BAIAP2: variants seen among roughly 807,000 people sequenced by gnomAD.
The protein encoded by BAIAP2 is BAR/IMD domain-containing adapter protein 2.
Under a neutral mutation model 63.0 loss-of-function variants are expected in BAIAP2, and 18 were observed. The ratio of observed to expected loss-of-function variants is 0.29; its 90% CI spans 0.20 to 0.42. BAIAP2 has a LOEUF of 0.42. BAIAP2 is among the 10% of genes least tolerant of loss of function. The pLI is 1.00. For missense variants in BAIAP2, 610 were observed against 734.3 expected (o/e 0.83, Z 1.96); for synonymous variants, 386 against 307.6 (o/e 1.25, Z -2.67).
chr17:81,057,570 TC>T, intron 2 of BAIAP2: 14 of 994,150 alleles, frequency 1.4e-5, no homozygotes, highest in East Asian at 6.1e-5. Flanking sequence ...CAACACTCCC[TC>T]CCCCCGGCCC....
intron 1 of BAIAP2, among the ~76,000 whole-genome samples, chr17:81,047,552 C>T (rs2048000266): frequency 1.3e-5 from 2 of 152,088 alleles, no homozygotes; most frequent in Admixed American, 1.3e-4. Context: ...ACGTTCATGC[C>T]CACAGCACAC....
At chr17:81,096,460 G>A (rs540517433) in intron 6 of BAIAP2, among the ~76,000 whole-genome samples, 2 of 152,388 alleles carry the variant, frequency 1.3e-5, no homozygotes, top group Admixed American at 1.3e-4. Flanking sequence ...GAGCCTGGAG[G>A]CGCACCCCAG....
intron 13 of BAIAP2, chr17:81,109,384 A>G (rs1175889134): frequency 4.9e-6 from 5 of 1,013,218 alleles, no homozygotes; most frequent in South Asian, 4.8e-5. Flanking sequence ...AAAAAAAAAA[A>G]AAAAAAAAAA....
At position 81,038,898 on chromosome 17, in the gene BAIAP2, G is replaced by C. The variant is rs1305508195; in HGVS notation, c.54+3590G>C. Among the ~76,000 whole-genome samples the C allele has an allele frequency of 9.6e-5, 14 of 145,638 alleles. No homozygotes were observed. In the East Asian group the frequency reaches 1.3e-3, roughly 14 times the overall value. On this transcript the variant is annotated intron_variant, in intron 1 of 13. Coordinates refer to ENST00000428708, the MANE Select transcript of BAIAP2 (RefSeq NM_001144888.2). ...TCCTGGCATTGGAGTCGCCTTCCTGGGTGGGGGGGGCAGCAGACCCGGCAC... is the reference window on the plus strand; with the variant it reads ...TCCTGGCATTGGAGTCGCCTTCCTGCGTGGGGGGGGCAGCAGACCCGGCAC...
intron 3 of BAIAP2, among the ~76,000 whole-genome samples, chr17:81,066,804 G>A (rs990505766): frequency 4.6e-5 from 7 of 152,172 alleles, no homozygotes; most frequent in Non-Finnish European, 1.0e-4. Context: ...GCGGCTCCAT[G>A]CACAGTGCAC....
At chr17:81,057,245 C>G (rs1478265004) in intron 2 of BAIAP2, 3 of 152,332 alleles carry the variant, frequency 2.0e-5, no homozygotes, top group Non-Finnish European at 4.4e-5. Context: ...CAGGCTCTTC[C>G]AGGAGCCTGC....
At chr17:81,103,746 G>A (rs781502660) in intron 8 of BAIAP2, 23 bp downstream of exon 8, 1 of 1,575,378 alleles carries the variant, frequency 6.3e-7, no homozygotes, top group Non-Finnish European at 8.6e-7. Flanking sequence ...CCTCTGGAAA[G>A]CTTCACGGGT....
At chr17:81,086,391 G>GC in intron 5 of BAIAP2, 52 bp from the exon 6 acceptor site, 1 of 1,600,942 alleles carries the variant, frequency 6.2e-7, no homozygotes, top group East Asian at 2.2e-5. Flanking sequence ...AGTGGTCCGC[G>GC]CTGCGTTGGG....
rs759347952 is a variant in BAIAP2 at position 81,103,712 on chromosome 17, C to T, written c.853C>T (p.Pro285Ser). The T allele has an allele frequency of 6.3e-7, 1 of 1,593,896 alleles. No homozygotes were observed. Among genetic ancestry groups the T allele is most frequent in the South Asian group, 1.1e-5 (1 of 90,442 alleles). Residue 285 changes from proline (P) to serine (S), a missense_variant, in exon 8 of 14, where the codon CCG (proline) becomes TCG (serine). Coordinates refer to ENST00000428708, the MANE Select transcript of BAIAP2 (RefSeq NM_001144888.2). Reference protein sequence around the residue: ...KPLPVPPELAPFVGRMSAQES... With the variant: ...KPLPVPPELASFVGRMSAQES... ...CCTGCCGGTGCCCCCCGAGCTGGCA[C>T]CGTTCGTGGGGGTGAGTCTGTGGCC...
At chr17:81,069,504 C>T (rs1240387234) in intron 3 of BAIAP2, among the ~76,000 whole-genome samples, 4 of 152,234 alleles carry the variant, frequency 2.6e-5, no homozygotes, top group Non-Finnish European at 5.9e-5. Context: ...GGCCCCCGCT[C>T]ATGCCATGGG....
intron 5 of BAIAP2, 24 bp downstream of exon 5, chr17:81,085,749 G>C (rs759320000): frequency 2.5e-6 from 4 of 1,599,414 alleles, no homozygotes; most frequent in Non-Finnish European, 2.6e-6. Flanking sequence ...GGCCGTGCCT[G>C]CTGGGCCCTG....
intron 12 of BAIAP2, 194 bp from the exon 13 acceptor site, chr17:81,108,281 A>G (rs7502590): frequency 0.15 from 95,903 of 619,716 alleles, 8,368 homozygotes; most frequent in Admixed American, 0.31. Context: ...TTGGGCAGTC[A>G]TTACTTTACC....
At chr17:81,095,158 G>A (rs1289397486) in intron 6 of BAIAP2, among the ~76,000 whole-genome samples, 1 of 152,218 alleles carries the variant, frequency 6.6e-6, no homozygotes, top group African/African-American at 2.4e-5. Flanking sequence ...ACCCAGCTAA[G>A]CACGCAGCCG....
In BAIAP2 at chr17:81,109,151, G is replaced by C. The variant is rs527804226; in HGVS notation, c.1535+642G>C. 30 of 1,439,768 alleles carry C rather than the reference G, an allele frequency of 2.1e-5. No homozygotes were observed. In the South Asian group the frequency reaches 3.6e-4, roughly 18 times the overall value. The allele number at this position is 1,439,768 out of a possible 1,614,324, so 89.2% of individuals were successfully genotyped here. A position where few individuals can be genotyped will look rare whatever the true frequency, so the allele number is the denominator to read the frequency against. On this transcript the variant is annotated intron_variant, in intron 13 of 13. Transcript: ENST00000428708. Reference sequence around the variant, plus strand: ...CTTTTGGTTGGTGACCCCAGACTCTGTGATCCCCCAGGGTCCATGGTGCTG... The same window carrying C: ...CTTTTGGTTGGTGACCCCAGACTCTCTGATCCCCCAGGGTCCATGGTGCTG...
At chr17:81,048,160 G>T (rs539553021) in intron 1 of BAIAP2, among the ~76,000 whole-genome samples, 1 of 152,138 alleles carries the variant, frequency 6.6e-6, no homozygotes, top group African/African-American at 2.4e-5. Context: ...TGAGGCGGGC[G>T]GATCGCTTGA....
At chr17:81,087,158 A>G (rs2055812541) in intron 6 of BAIAP2, 1 of 153,158 alleles carries the variant, frequency 6.5e-6, no homozygotes, top group South Asian at 2.1e-4. Context: ...TGCTGGGGTC[A>G]TAGTGATACA....
In BAIAP2 at chr17:81,115,841, G is replaced by T. The variant is rs191739354; in HGVS notation, c.*2G>T. 5,530 of 1,613,292 alleles carry T rather than the reference G, an allele frequency of 3.4e-3. 13 individuals carry two copies. The highest frequency in any genetic ancestry group is 4.3e-3 in the Non-Finnish European group (5,070 of 1,180,012). On this transcript the variant is annotated 3_prime_UTR_variant, in exon 14 of 14. Coordinates refer to ENST00000428708, the MANE Select transcript of BAIAP2 (RefSeq NM_001144888.2). ...AGGTCTGCCCCCCTCCTCAGCTGAT[G>T]GCCACATCTGCAGTGCTGCCCATCT...
chr17:81,103,848 C>T (rs2058803585), intron 8 of BAIAP2, 59 bp from the exon 9 acceptor site: 14 of 1,604,054 alleles, frequency 8.7e-6, no homozygotes, highest in Non-Finnish European at 1.2e-5. Flanking sequence ...GTTCTCTTTC[C>T]CCCTGGTCTT....
At chr17:81,086,614 T>G in intron 6 of BAIAP2, 34 bp downstream of exon 6, 1 of 1,610,888 alleles carries the variant, frequency 6.2e-7, no homozygotes, top group African/African-American at 1.3e-5. Flanking sequence ...GTGCCTCTCC[T>G]GCCACCTTGG....
Sources: gnomAD v4.1 joint callset for allele counts (sites outside exome capture counted in the v4.1 genomes callset) on GRCh38, gnomAD v4.1.1 for gene constraint, MANE v1.5 for transcripts, NCBI Gene and HGNC (gene_info 2026-07-23, HGNC 2026-07-21) for gene names.